SNAPC4: variants seen among roughly 807,000 people sequenced by gnomAD.
SNAPC4 encodes the protein small nuclear RNA activating complex polypeptide 4, also known as snRNA-activating protein complex subunit 4.
A neutral mutation model predicts 151.3 loss-of-function variants in SNAPC4; 127 were observed. The ratio of observed to expected loss-of-function variants is 0.84; its 90% CI spans 0.73 to 0.97. The LOEUF (loss-of-function observed/expected upper bound fraction) is 0.97, where lower values mean the gene tolerates loss of function less well. Ranked by LOEUF, SNAPC4 falls within the 50% of genes least tolerant of loss-of-function variation. SNAPC4 has a pLI of 0.00. For synonymous variants in SNAPC4, 1,002 were observed against 824.4 expected (o/e 1.22, Z -3.69); for missense variants, 2,186 against 1,935.0 (o/e 1.13, Z -2.43).
chr9:136,384,054 G>T lies in SNAPC4; in HGVS notation c.1421-22C>A, dbSNP rs185230764. 1.9e-5 allele frequency: 30 copies of T among 1,603,426 alleles called. No individual in the cohort carries two copies. In the East Asian group the frequency reaches 2.7e-4, roughly 14 times the overall value. ...TGACCTGCAAAAGCCAAACCCCATG[G>T]AAATGCCTTCATCCAAAGATTCTTC... On this transcript the variant is annotated intron_variant, in intron 14 of 23. Transcript: ENST00000684778.
At chr9:136,388,632 G>C in intron 10 of SNAPC4, 41 bp from the exon 11 acceptor site, 4 of 1,611,802 alleles carry the variant, frequency 2.5e-6, no homozygotes, top group Non-Finnish European at 3.4e-6. Context: ...GTTACTGCGC[G>C]GCAGGATGTC....
At position 136,383,177 on chromosome 9, in the gene SNAPC4, G is replaced by C; in HGVS notation, c.1983+9C>G. 2 of 1,523,080 alleles carry C rather than the reference G, an allele frequency of 1.3e-6. No homozygotes were observed. Among genetic ancestry groups the C allele is most frequent in the Non-Finnish European group, 8.8e-7 (1 of 1,137,586 alleles). The allele number at this position is 1,523,080 out of a possible 1,614,324, so 94.3% of individuals were successfully genotyped here. ...CACTTCCCGTGGTACACCCAGGGCC[G>C]GGGCCTACCTCCAGGGCCTGCTTCT... On this transcript the variant is annotated intron_variant, in intron 16 of 23. Transcript: ENST00000684778. This position sits in a 1 kb window ranked among gnomAD's most constrained non-coding sequence, Gnocchi z 4.2.
intron 7 of SNAPC4, among the ~76,000 whole-genome samples, chr9:136,393,509 C>T (rs567679229): frequency 2.5e-4 from 38 of 152,356 alleles, no homozygotes; most frequent in Non-Finnish European, 4.4e-4. Context: ...CAAGTGCGGA[C>T]AGTAAGGCTG....
At chr9:136,389,049 ACAG>A (rs758649771) in intron 10 of SNAPC4, among the ~76,000 whole-genome samples, 13 of 152,240 alleles carry the variant, frequency 8.5e-5, no homozygotes, top group Admixed American at 3.9e-4. Flanking sequence ...GAGGTACGGG[ACAG>A]CCCTTGGTTT....
At chr9:136,393,668 A>G (rs1007770941) in intron 7 of SNAPC4, among the ~76,000 whole-genome samples, 2 of 151,344 alleles carry the variant, frequency 1.3e-5, no homozygotes, top group African/African-American at 4.9e-5. Flanking sequence ...CACACCTCTC[A>G]TCGTGGCCGT....
chr9:136,388,530 C>T lies in SNAPC4; in HGVS notation c.1037G>A (p.Arg346His), dbSNP rs1162283454. ...KFQQHNKALK[R>H]KEWTEEEDRM... ...GTCCTCCTCCTCTGTCCACTCCTTG[C>T]GTTTCAGAGCTTTGTTGTGCTGCTG... The change falls in exon 11 of 24, where the codon CGC (arginine) becomes CAC (histidine). Residue 346 changes from arginine (R) to histidine (H), a missense_variant. Physicochemically the swap from Arg to His is conservative, Grantham distance 29 (BLOSUM62 0). Transcript: ENST00000684778. The T allele has an allele frequency of 2.5e-6, 4 of 1,614,092 alleles. No homozygotes were observed. Among genetic ancestry groups the T allele is most frequent in the South Asian group, 1.1e-5 (1 of 91,092 alleles).
In SNAPC4 at chr9:136,380,731, G is replaced by A. The variant is rs768384824; in HGVS notation, c.2499+9C>T. 4 of 1,505,056 alleles carry A rather than the reference G, an allele frequency of 2.7e-6. No homozygotes were observed. The highest frequency in any genetic ancestry group is 3.7e-6 in the Non-Finnish European group (4 of 1,082,140). The allele number at this position is 1,505,056 out of a possible 1,614,324, so 93.2% of individuals were successfully genotyped here. ...GCCATCCTCACTTCTCACCCCAAGT[G>A]CCTGCTACCTGCAGAAGATGAACTG... On this transcript the variant is annotated intron_variant, in intron 20 of 23. Transcript: ENST00000684778.
Position 136,377,731 on chromosome 9 carries a change from C to T in SNAPC4, c.4096G>A (p.Ala1366Thr). ...QDNPAYLLLR[A>T]RFLAAFTLPA... is the part of the protein sequence containing the mutation. ...AGGGTGAAGGCTGCCAGGAACCGCG[C>T]CCGCAACAGGAGGTAGGCCGGGTTG... The change falls in exon 22 of 24, where the codon GCG (alanine) becomes ACG (threonine). Residue 1366 changes from alanine (A) to threonine (T), a missense_variant. By Grantham distance (58) the Ala-to-Thr change is moderately conservative (BLOSUM62 0). Transcript: ENST00000684778. 2 of 1,609,298 alleles carry T rather than the reference C, an allele frequency of 1.2e-6. No individual in the cohort carries two copies. The highest frequency in any genetic ancestry group is 1.7e-6 in the Non-Finnish European group (2 of 1,177,646).
chr9:136,378,802 G>A lies in SNAPC4; in HGVS notation c.3025C>T (p.Leu1009=), dbSNP rs772139761. Residue 1009 remains leucine, a synonymous_variant, in exon 22 of 24, where the codon CTG becomes TTG. Coordinates refer to ENST00000684778, the MANE Select transcript of SNAPC4 (RefSeq NM_003086.4). Reference sequence around the variant, plus strand: ...CTCACAGAGATCTGGCCGGGGCCCAGGGCAGGGGCTTGGGAAGCAGCAGGG... The same window carrying A: ...CTCACAGAGATCTGGCCGGGGCCCAAGGCAGGGGCTTGGGAAGCAGCAGGG... ...TAPAASQAPA[L]GPGQISVSCP... 24 of 1,580,780 alleles carry A rather than the reference G, an allele frequency of 1.5e-5. No homozygotes were observed. In the African/African-American group the frequency reaches 2.8e-4, roughly 19 times the overall value.
intron 18 of SNAPC4, 93 bp downstream of exon 18, chr9:136,381,731 C>A: frequency 6.7e-7 from 1 of 1,491,460 alleles, no homozygotes; most frequent in East Asian, 2.3e-5. Flanking sequence ...GCTGAGGCCA[C>A]TTCCCCAAGT....
chr9:136,385,890 G>A (rs2131482937), intron 13 of SNAPC4, among the ~76,000 whole-genome samples: 1 of 152,142 alleles, frequency 6.6e-6, no homozygotes, highest in South Asian at 2.1e-4. Flanking sequence ...TCCCTTGTAT[G>A]AAAATTTTAT....
At chr9:136,376,539 GGGAA>G in intron 22 of SNAPC4, 58 bp from the exon 23 acceptor site, 2 of 1,598,826 alleles carry the variant, frequency 1.3e-6, no homozygotes, top group Non-Finnish European at 1.7e-6. Context: ...ATGATGGACG[GGGAA>G]GGGACGGGAG....
At chr9:136,394,154 A>C (rs1053068277) in intron 7 of SNAPC4, 95 bp downstream of exon 7, 9 of 988,700 alleles carry the variant, frequency 9.1e-6, no homozygotes, top group Non-Finnish European at 1.5e-5. Flanking sequence ...GGTTCAAGAG[A>C]TCCTCCTGCC....
rs771658273 is a variant in SNAPC4 at position 136,383,487 on chromosome 9, G to C, written c.1682C>G (p.Ser561Cys). ...CATGTCCGGGACCATGTACTGTGGG[G>C]ACAGCAGCGCTCTGTCACCCTCCCC... The part of the protein sequence containing the change: ...QAGEGDRALL[S>C]PQYMVPDMDL... The change falls in exon 16 of 24, where the codon TCC becomes TGC. Residue 561 changes from serine to cysteine, a missense_variant. Transcript: ENST00000684778. The surrounding 1 kb of genome is among the most constrained non-coding windows in gnomAD (Gnocchi z 4.2). 16 of 1,568,598 alleles carry C rather than the reference G, an allele frequency of 1.0e-5. No homozygotes were observed. The Admixed American group carries it at 1.7e-4, about 17-fold the overall frequency.
chr9:136,398,510 C>G (rs369712051), intron 1 of SNAPC4, 73 bp from the exon 2 acceptor site: 60 of 1,549,314 alleles, frequency 3.9e-5, no homozygotes, highest in Non-Finnish European at 4.9e-5. Flanking sequence ...TCAGACACAC[C>G]CGCCCATGGG....
chr9:136,397,113 G>A, intron 2 of SNAPC4, 90 bp from the exon 3 acceptor site: 2 of 1,137,232 alleles, frequency 1.8e-6, no homozygotes, highest in South Asian at 2.5e-5. Flanking sequence ...GGCAGACCTG[G>A]GGTTGTGAGG....
At chr9:136,398,267 G>A in intron 2 of SNAPC4, 32 bp downstream of exon 2, 2 of 1,593,776 alleles carry the variant, frequency 1.3e-6, no homozygotes, top group Non-Finnish European at 1.7e-6. Context: ...GTTCTTACCA[G>A]GACCCCAGGA....
At position 136,378,871 on chromosome 9, in the gene SNAPC4, C is replaced by T. The variant is rs749095785; in HGVS notation, c.2956G>A (p.Ala986Thr). Residue 986 changes from alanine to threonine, a missense_variant, in exon 22 of 24, where the codon GCC (alanine) becomes ACC (threonine). Ala to Thr is a moderately conservative substitution (Grantham distance 58). Transcript: ENST00000684778. ...GAGAAGACAGGAGCGAGGGGCAGGG[C>T]TTGCATGGTGGAGAGTCTCTTGTCC... is the stretch of plus-strand genomic sequence containing the variant. ...AKDKRLSTMQ[A>T]LPLAPVFSEA... The T allele has an allele frequency of 1.5e-5, 24 of 1,610,494 alleles. No individual in the cohort carries two copies. The highest frequency in any genetic ancestry group is 1.9e-5 in the Non-Finnish European group (22 of 1,179,226).
intron 7 of SNAPC4, 42 bp from the exon 8 acceptor site, chr9:136,392,819 CT>C: frequency 6.5e-7 from 1 of 1,548,548 alleles, no homozygotes; most frequent in Non-Finnish European, 8.9e-7. Context: ...GGCACGAGGG[CT>C]GCGGGGCGGG....
Sources: gnomAD v4.1 joint callset for allele counts (sites outside exome capture counted in the v4.1 genomes callset) on GRCh38, gnomAD v4.1.1 for gene constraint, Gnocchi (gnomAD v3.1) non-coding constraint, MANE v1.5 for transcripts, NCBI Gene and HGNC (gene_info 2026-07-23, HGNC 2026-07-21) for gene names.